The following SLC2A9 variants were observed in gnomAD, a reference collection of about 807,000 sequenced individuals.
SLC2A9 encodes solute carrier family 2, facilitated glucose transporter member 9.
SLC2A9 carries 39 observed loss-of-function variants against 50.6 expected under a neutral mutation model. The observed-to-expected ratio is 0.77, with a 90% CI of 0.60 to 1.01. The LOEUF (loss-of-function observed/expected upper bound fraction) is 1.01, where lower values mean the gene tolerates loss of function less well. Among genes scored for constraint, SLC2A9 ranks in the 50% least tolerant of loss-of-function variants. The probability of loss-of-function intolerance (pLI) is 0.00; values close to 1 mark genes in which losing one functional copy is unlikely to be tolerated. For missense variants in SLC2A9, 686 were observed against 677.6 expected (o/e 1.01, Z -0.14); for synonymous variants, 324 against 276.9 (o/e 1.17, Z -1.69).
intron 7 of SLC2A9, 57 bp from the exon 8 acceptor site, chr4:9,908,402 T>G: frequency 7.7e-7 from 1 of 1,290,706 alleles, no homozygotes; most frequent in Non-Finnish European, 1.1e-6. Context: ...CTTAATCTAT[T>G]TTCTAAATCA....
chr4:9,824,134 T>C (rs1180607480), downstream of SLC2A9, among the ~76,000 whole-genome samples: 1 of 151,984 alleles, frequency 6.6e-6, no homozygotes, highest in Non-Finnish European at 1.5e-5. Flanking sequence ...AATGAATGGG[T>C]CATCATGGGA....
intron 8 of SLC2A9, among the ~76,000 whole-genome samples, chr4:9,905,939 G>C (rs1560278528): frequency 6.6e-6 from 1 of 152,164 alleles, no homozygotes; most frequent in Non-Finnish European, 1.5e-5. Context: ...TTTGGTCTTA[G>C]TTTCCTCAAC....
chr4:9,780,860 C>A (rs1363187312), intron 3 of SLC2A9, among the ~76,000 whole-genome samples: 1 of 152,152 alleles, frequency 6.6e-6, no homozygotes, highest in African/African-American at 2.4e-5. Context: ...ATTTATCCAT[C>A]CCTCTCAAGG....
chr4:9,805,745 A>G (rs1165558874), intron 3 of SLC2A9, among the ~76,000 whole-genome samples: 2 of 150,662 alleles, frequency 1.3e-5, no homozygotes, highest in African/African-American at 4.9e-5. Flanking sequence ...TTGATAAAGA[A>G]GCATCCACTC....
intron 6 of SLC2A9, among the ~76,000 whole-genome samples, chr4:9,926,335 C>G (rs1744903428): frequency 1.3e-5 from 2 of 149,358 alleles, no homozygotes; most frequent in Middle Eastern, 3.2e-3. Context: ...CCAATGCAAA[C>G]ACACATTGTT....
chr4:9,851,000 T>C (rs1220240465), intron 10 of SLC2A9, among the ~76,000 whole-genome samples: 1 of 150,146 alleles, frequency 6.7e-6, no homozygotes, highest in Non-Finnish European at 1.5e-5. Flanking sequence ...ACCCCTGCTG[T>C]GCTGCTGCCA....
At chr4:9,833,913 G>T (rs1186611723) in intron 11 of SLC2A9, among the ~76,000 whole-genome samples, 1 of 152,184 alleles carries the variant, frequency 6.6e-6, no homozygotes, top group African/African-American at 2.4e-5. Flanking sequence ...TCCTCCTTCT[G>T]CAAATGCTTC....
At chr4:9,998,921 G>C (rs1046192341) in intron 2 of SLC2A9, among the ~76,000 whole-genome samples, 40 of 152,050 alleles carry the variant, frequency 2.6e-4, no homozygotes, top group Non-Finnish European at 4.4e-5. Context: ...CTGATTCCAT[G>C]TGTAAAACCC....
intron 1 of SLC2A9, among the ~76,000 whole-genome samples, chr4:10,036,300 C>T (rs1292760926): frequency 1.3e-5 from 2 of 152,140 alleles, no homozygotes; most frequent in African/African-American, 4.8e-5. Context: ...GCCTCAGTTT[C>T]CTCATTTGTG....
chr4:9,886,449 TGTGTGTG>T, intron 10 of SLC2A9, among the ~76,000 whole-genome samples: 1 of 150,738 alleles, frequency 6.6e-6, no homozygotes, highest in African/African-American at 2.4e-5. Context: ...TGTGTGTGTG[TGTGTGTG>T]TGTGTGTGTG....
intron 4 of SLC2A9, among the ~76,000 whole-genome samples, chr4:9,982,629 G>T (rs1027804467): frequency 6.6e-6 from 1 of 152,194 alleles, no homozygotes; most frequent in African/African-American, 2.4e-5. Context: ...GCCAAACAGA[G>T]AATCTCAGTT....
chr4:9,807,405 C>T (rs935914177), intron 3 of SLC2A9, among the ~76,000 whole-genome samples: 57 of 152,174 alleles, frequency 3.7e-4, no homozygotes, highest in African/African-American at 1.1e-3. Flanking sequence ...CCCCTGATCT[C>T]CCCCACATTC....
intron 2 of SLC2A9, among the ~76,000 whole-genome samples, chr4:10,004,561 AC>A (rs1342290993): frequency 1.3e-5 from 2 of 152,228 alleles, no homozygotes; most frequent in Non-Finnish European, 2.9e-5. Flanking sequence ...CACTTAAGGA[AC>A]CTGGGTCCCT....
chr4:9,786,347 C>A (rs1719216828), intron 3 of SLC2A9, among the ~76,000 whole-genome samples: 1 of 152,242 alleles, frequency 6.6e-6, no homozygotes, highest in Non-Finnish European at 1.5e-5. Flanking sequence ...GGTAGCCTGG[C>A]CGTGGAGTCT....
chr4:9,971,471 G>T (rs1451427807), intron 5 of SLC2A9, among the ~76,000 whole-genome samples: 6 of 152,118 alleles, frequency 3.9e-5, no homozygotes, highest in African/African-American at 1.4e-4. Context: ...CTTAACACTT[G>T]ATTTTAGGTA....
intron 3 of SLC2A9, among the ~76,000 whole-genome samples, chr4:9,806,873 C>T (rs185385130): frequency 2.3e-3 from 344 of 152,298 alleles, no homozygotes; most frequent in African/African-American, 8.0e-3. Flanking sequence ...ATAGCTTCTC[C>T]AGAGGACGCT....
intron 10 of SLC2A9, among the ~76,000 whole-genome samples, chr4:9,849,840 T>C (rs577388280): frequency 1.3e-5 from 2 of 152,248 alleles, no homozygotes; most frequent in African/African-American, 2.4e-5. Flanking sequence ...TCTGTTTCAA[T>C]AGAGACGGAG....
intron 3 of SLC2A9, chr4:9,783,592 T>C (rs1392095485): frequency 1.1e-6 from 1 of 919,974 alleles, no homozygotes; most frequent in Non-Finnish European, 1.6e-6. Flanking sequence ...GTAGCTCGTG[T>C]GCTTAGAAAC....
intron 10 of SLC2A9, among the ~76,000 whole-genome samples, chr4:9,860,393 A>T (rs755795470): frequency 1.7e-4 from 26 of 152,216 alleles, no homozygotes; most frequent in Admixed American, 6.5e-5. Context: ...CAGATGAGGT[A>T]CTTTGTGAGG....
Sources: allele counts gnomAD v4.1 joint callset (sites outside exome capture counted in the v4.1 genomes callset), GRCh38; gene constraint gnomAD v4.1.1; transcripts MANE v1.5; gene names NCBI Gene and HGNC (gene_info 2026-07-23, HGNC 2026-07-21).